PPP1CC: variants seen among roughly 807,000 people sequenced by gnomAD.
The protein encoded by PPP1CC is protein phosphatase 1 catalytic subunit gamma.
PPP1CC carries 16 observed loss-of-function variants against 38.4 expected under a neutral mutation model. That is an observed-to-expected ratio of 0.42 (90% confidence interval 0.28 to 0.63). The LOEUF (loss-of-function observed/expected upper bound fraction) is 0.63. PPP1CC is among the 30% of genes least tolerant of loss of function. PPP1CC has a pLI of 0.25. For missense variants in PPP1CC, 170 were observed against 391.3 expected, an observed-to-expected ratio of 0.43 and a Z score of 4.77; for synonymous variants, 158 against 136.0, an observed-to-expected ratio of 1.16 and a Z score of -1.13.
At chr12:110,717,314 C>T (rs752847088), downstream of PPP1CC, among the ~76,000 whole-genome samples, 1 of 152,140 alleles carries the variant, frequency 6.6e-6, no homozygotes, top group Non-Finnish European at 1.5e-5. Context: ...TCAAAACCAC[C>T]CCTGCAGATT....
chr12:110,714,100 A>T, the PPP1CC span, among the ~76,000 whole-genome samples: 196 of 152,248 alleles, frequency 1.3e-3, 2 homozygotes, highest in African/African-American at 4.6e-3. Flanking sequence ...CTACAACTCA[A>T]AAACAAACGA....
At chr12:110,729,662 T>C (rs1042003160) in intron 3 of PPP1CC, among the ~76,000 whole-genome samples, 5 of 152,248 alleles carry the variant, frequency 3.3e-5, no homozygotes, top group East Asian at 1.9e-4. Flanking sequence ...GGTGTGGATA[T>C]GCCAGAAGGA....
At chr12:110,719,225 A>C (rs1198378956), downstream of PPP1CC, among the ~76,000 whole-genome samples, 1 of 152,164 alleles carries the variant, frequency 6.6e-6, no homozygotes, top group Non-Finnish European at 1.5e-5. Flanking sequence ...AATGTGGAGC[A>C]GGCAGGTAAT....
intron 1 of PPP1CC, among the ~76,000 whole-genome samples, chr12:110,733,523 A>G (rs776862979): frequency 1.4e-4 from 22 of 152,150 alleles, no homozygotes; most frequent in Non-Finnish European, 2.8e-4. Flanking sequence ...CTTTGAACAT[A>G]GTTTATATTT....
In PPP1CC at chr12:110,722,299, AGG is replaced by A. The variant is rs771631220; in HGVS notation, c.748-32_748-31del. On this transcript the variant is annotated intron_variant, in intron 5 of 6. Transcript: ENST00000335007. The surrounding 1 kb of genome is among the most constrained non-coding windows in gnomAD (Gnocchi z 5.4). ...AAGAGAAAATTTTTTCAATATAAAT[AGG>A]TGCAAATATTAGGTGAGTAAAACCA... 742 of 1,608,892 alleles carry A rather than the reference AGG, an allele frequency of 4.6e-4. No individual in the cohort carries two copies. Among genetic ancestry groups the A allele is most frequent in the Non-Finnish European group, 6.0e-4 (703 of 1,176,268 alleles).
At chr12:110,715,043 A>G (rs142916142), downstream of PPP1CC, among the ~76,000 whole-genome samples, 52 of 152,042 alleles carry the variant, frequency 3.4e-4, 1 homozygote, top group African/African-American at 1.1e-3. Flanking sequence ...GTCCAAGAAT[A>G]TAACGACCAG....
downstream of PPP1CC, among the ~76,000 whole-genome samples, chr12:110,715,793 G>A (rs1377491199): frequency 1.3e-5 from 2 of 151,958 alleles, no homozygotes; most frequent in Non-Finnish European, 2.9e-5. Flanking sequence ...GGCTAATTTT[G>A]TATTTTTATT....
In PPP1CC at chr12:110,722,034, A is replaced by C. The variant is rs2069744515; in HGVS notation, c.882+101T>G. On this transcript the variant is annotated intron_variant, in intron 6 of 6. Coordinates refer to ENST00000335007, the MANE Select transcript of PPP1CC (RefSeq NM_002710.4). This position sits in a 1 kb window ranked among gnomAD's most constrained non-coding sequence, Gnocchi z 5.4. The stretch of plus-strand genomic sequence containing the variant: ...TTAAGGGAAAATAAAAACTTAGCCT[A>C]CTCAGCATAAGTGAACACTAGGCAA... 7.0e-7 allele frequency: 1 copy of C among 1,428,156 alleles called. No homozygotes were observed. Among genetic ancestry groups the C allele is most frequent in the Admixed American group, 2.0e-5 (1 of 51,022 alleles). 88.5% of individuals were successfully genotyped at this position (1,428,156 alleles called of 1,614,324 possible).
At chr12:110,716,474 T>C (rs1230299487), downstream of PPP1CC, among the ~76,000 whole-genome samples, 2 of 152,016 alleles carry the variant, frequency 1.3e-5, no homozygotes, top group Admixed American at 6.6e-5. Context: ...TGCCTCAGCC[T>C]CCCGAGTAGC....
Position 110,742,788 on chromosome 12 carries a change from G to A in PPP1CC, c.-81C>T. On this transcript the variant is annotated 5_prime_UTR_variant, in exon 1 of 7. Transcript: ENST00000335007. ...ACTCACACCTCCTTTCCCACGCCAC[G>A]AGCAGAGGCGGTGGTGGCGGCGGTG... 1 of 1,171,296 alleles carries A rather than the reference G, an allele frequency of 8.5e-7. No homozygotes were observed. Among genetic ancestry groups the A allele is most frequent in the Non-Finnish European group, 1.1e-6 (1 of 905,210 alleles). The allele number at this position is 1,171,296 out of a possible 1,614,324, so 72.6% of individuals were successfully genotyped here.
downstream of PPP1CC, among the ~76,000 whole-genome samples, chr12:110,715,351 C>CA (rs1376648596): frequency 2.0e-5 from 3 of 151,956 alleles, no homozygotes; most frequent in African/African-American, 7.3e-5. Flanking sequence ...GACAGGGTCT[C>CA]ACTCTGTCGC....
At chr12:110,712,635 C>CA in the PPP1CC span, among the ~76,000 whole-genome samples, 984 of 37,402 alleles carry the variant, frequency 0.026, 27 homozygotes, top group African/African-American at 0.04. Flanking sequence ...GAAACTGTCT[C>CA]AAAAAAAAAA....
At chr12:110,741,280 C>G (rs1165667236) in intron 1 of PPP1CC, among the ~76,000 whole-genome samples, 1 of 151,948 alleles carries the variant, frequency 6.6e-6, no homozygotes, top group African/African-American at 2.4e-5. Context: ...ATTTTAATAA[C>G]TTACTTTAAA....
At chr12:110,724,318 T>A (rs1341407406) in intron 4 of PPP1CC, among the ~76,000 whole-genome samples, 1 of 152,180 alleles carries the variant, frequency 6.6e-6, no homozygotes, top group African/African-American at 2.4e-5. Context: ...CCCAGCACTT[T>A]GGAAGTCCGA....
intron 3 of PPP1CC, among the ~76,000 whole-genome samples, chr12:110,728,284 AGCTACTCGGGAG>A (rs978347835): frequency 6.6e-6 from 1 of 151,702 alleles, no homozygotes; most frequent in Admixed American, 6.6e-5. Context: ...CTGTAGTCCC[AGCTACTCGGGAG>A]GCTGAGGCAG....
chr12:110,721,375 C>T (rs1593571798), intron 6 of PPP1CC: 1 of 443,546 alleles, frequency 2.3e-6, no homozygotes, highest in East Asian at 4.0e-5. Context: ...ATTATCTGGA[C>T]AAATTATTTT....
Position 110,720,292 on chromosome 12 carries a change from T to C in PPP1CC, c.*784A>G, listed in dbSNP as rs2069723630. 6 of 1,117,084 alleles carry C rather than the reference T, an allele frequency of 5.4e-6. No individual in the cohort carries two copies. The highest frequency in any genetic ancestry group is 7.7e-6 in the Non-Finnish European group (6 of 778,214). 69.2% of individuals were successfully genotyped at this position (1,117,084 alleles called of 1,614,324 possible). ...ATCGTTAGTAGCTTAAACAGCACTA[T>C]ATCACTAATTGCTATTCAAAATCAA... is the stretch of plus-strand genomic sequence containing the variant. On this transcript the variant is annotated 3_prime_UTR_variant, in exon 7 of 7. Transcript: ENST00000335007.
At chr12:110,737,523 C>G (rs1258729279) in intron 1 of PPP1CC, among the ~76,000 whole-genome samples, 1 of 138,396 alleles carries the variant, frequency 7.2e-6, no homozygotes, top group South Asian at 2.3e-4. Context: ...AAAAAAGAAC[C>G]CTTTAAGTTT....
chr12:110,710,717 C>CA, the PPP1CC span, among the ~76,000 whole-genome samples: 2,373 of 27,842 alleles, frequency 0.085, 304 homozygotes, highest in African/African-American at 0.16. Context: ...GACTCTGTCT[C>CA]AAAAAAAAAA....
Sources: allele counts gnomAD v4.1 joint callset (sites outside exome capture counted in the v4.1 genomes callset), GRCh38; gene constraint gnomAD v4.1.1; non-coding constraint Gnocchi (gnomAD v3.1); transcripts MANE v1.5; gene names NCBI Gene and HGNC (gene_info 2026-07-23, HGNC 2026-07-21).